Variants in ZNF415 observed in about 807,000 individuals in gnomAD.
ZNF415 encodes zinc finger protein 415.
A neutral mutation model predicts 7.3 loss-of-function variants in ZNF415; 5 were observed. That is an observed-to-expected ratio of 0.69 (90% CI 0.36 to 1.44). ZNF415 has a LOEUF of 1.44. Among genes scored for constraint, ZNF415 ranks in the 40% most tolerant of loss-of-function variants. The pLI is 0.04. For missense variants in ZNF415, 628 were observed against 664.8 expected (o/e 0.94, Z 0.61); for synonymous variants, 207 against 226.3 (o/e 0.91, Z 0.77).
At chr19:53,119,998 A>ATTTTAC in intron 2 of ZNF415, among the ~76,000 whole-genome samples, 3 of 21,144 alleles carry the variant, frequency 1.4e-4, no homozygotes, top group African/African-American at 2.7e-4. Flanking sequence ...TCCTCAAACT[A>ATTTTAC]AAATTGAAAC....
intron 3 of ZNF415, among the ~76,000 whole-genome samples, chr19:53,111,386 A>G (rs915403882): frequency 1.7e-5 from 2 of 120,172 alleles, no homozygotes; most frequent in Non-Finnish European, 3.3e-5. Flanking sequence ...CTTGTCACCC[A>G]GGCTGGAGTA....
intron 2 of ZNF415, among the ~76,000 whole-genome samples, chr19:53,120,279 T>G (rs2087781358): frequency 6.6e-6 from 1 of 152,224 alleles, no homozygotes; most frequent in Non-Finnish European, 1.5e-5. Flanking sequence ...CCCTTAAATA[T>G]GAACCAATAT....
intron 1 of ZNF415, 125 bp from the exon 2 acceptor site, chr19:53,122,868 A>C: frequency 3.0e-6 from 2 of 665,086 alleles, no homozygotes; most frequent in Non-Finnish European, 5.1e-6. Flanking sequence ...CGCCCACTAC[A>C]CCAGGGTGGC....
intron 3 of ZNF415, among the ~76,000 whole-genome samples, chr19:53,111,941 T>C (rs901698497): frequency 1.3e-5 from 2 of 152,100 alleles, no homozygotes; most frequent in African/African-American, 2.4e-5. Flanking sequence ...GCTCAGACTT[T>C]TTTTTATTTT....
rs2088344925 is a variant in ZNF415, at chr19:53,122,803, A to C, written c.-67-60T>G. On this transcript the variant is annotated intron_variant, in intron 1 of 3. Coordinates refer to ENST00000243643, the MANE Select transcript of ZNF415 (RefSeq NM_018355.4). ...GAAACAACACACCCCCTCTTGTGTGACAAGCACACACATACACAGGGAGGA... is the reference window on the plus strand; with the variant it reads ...GAAACAACACACCCCCTCTTGTGTGCCAAGCACACACATACACAGGGAGGA... The C allele has an allele frequency of 1.1e-5, 14 of 1,275,622 alleles. No homozygotes were observed. In the South Asian group the frequency reaches 1.8e-4, roughly 16 times the overall value. 79.0% of individuals were successfully genotyped at this position (1,275,622 alleles called of 1,614,324 possible).
At position 53,108,494 on chromosome 19, in the gene ZNF415, G is replaced by A. The variant is rs2085707401; in HGVS notation, c.1551C>T (p.Ile517=). The change falls in exon 4 of 4, where the codon ATC becomes ATT. Residue 517 remains isoleucine (I), a synonymous_variant. Coordinates refer to ENST00000243643, the MANE Select transcript of ZNF415 (RefSeq NM_018355.4). ...VRPNLTRHQI[I]HTGKKPYKCS... is the part of the protein sequence containing the mutation. Reference sequence around the variant, plus strand: ...ATTTGTAAGGTTTCTTTCCAGTATGGATTATCTGATGTCTAGTGAGGTTTG... The same window carrying A: ...ATTTGTAAGGTTTCTTTCCAGTATGAATTATCTGATGTCTAGTGAGGTTTG... The A allele has an allele frequency of 6.2e-7, 1 of 1,613,928 alleles. No individual in the cohort carries two copies. The highest frequency in any genetic ancestry group is 1.1e-5 in the South Asian group (1 of 91,076).
chr19:53,113,035 G>A (rs1346219175), intron 3 of ZNF415, among the ~76,000 whole-genome samples: 1 of 150,872 alleles, frequency 6.6e-6, no homozygotes, highest in Non-Finnish European at 1.5e-5. Context: ...GCGGTGAGCT[G>A]AGATTGTGCC....
At chr19:53,110,223 G>A (rs1469180799) in intron 3 of ZNF415, among the ~76,000 whole-genome samples, 4 of 152,058 alleles carry the variant, frequency 2.6e-5, no homozygotes, top group African/African-American at 9.7e-5. Flanking sequence ...ACACCAATTG[G>A]CAGAAAATAC....
intron 1 of ZNF415, among the ~76,000 whole-genome samples, chr19:53,128,296 T>C (rs2089535851): frequency 6.6e-6 from 1 of 150,666 alleles, no homozygotes. Flanking sequence ...TGCCCCCAAT[T>C]TGGGGACACC....
At chr19:53,115,860 T>C (rs773407661) in intron 3 of ZNF415, 72 of 1,424,954 alleles carry the variant, frequency 5.1e-5, no homozygotes, top group Non-Finnish European at 6.7e-5. Context: ...GAACATGATG[T>C]GCTGTGGCTT....
chr19:53,111,498 A>G (rs2086241801), intron 3 of ZNF415, among the ~76,000 whole-genome samples: 1 of 151,938 alleles, frequency 6.6e-6, no homozygotes, highest in Non-Finnish European at 1.5e-5. Flanking sequence ...GCCTACCACC[A>G]TGCCTGGCTA....
At chr19:53,119,259 G>A (rs2087576847) in intron 2 of ZNF415, among the ~76,000 whole-genome samples, 1 of 151,826 alleles carries the variant, frequency 6.6e-6, no homozygotes, top group Non-Finnish European at 1.5e-5. Flanking sequence ...TCCAGCCTGG[G>A]CGACAGAGGG....
intron 2 of ZNF415, among the ~76,000 whole-genome samples, chr19:53,120,319 A>C (rs59589455): frequency 6.6e-6 from 1 of 152,208 alleles, no homozygotes; most frequent in African/African-American, 2.4e-5. Context: ...GGAGCAAGCT[A>C]TCCTTGTTCC....
chr19:53,122,529 G>A, intron 2 of ZNF415, 133 bp downstream of exon 2: 1 of 1,597,872 alleles, frequency 6.3e-7, no homozygotes, highest in South Asian at 1.1e-5. Context: ...ACTGAGGGAA[G>A]GCACGGGTCA....
intron 3 of ZNF415, among the ~76,000 whole-genome samples, chr19:53,112,204 A>G (rs568337530): frequency 6.6e-6 from 1 of 152,266 alleles, no homozygotes; most frequent in Non-Finnish European, 1.5e-5. Context: ...TCAGCCTCCA[A>G]AAGTACTCGG....
At chr19:53,112,464 GTCAGTCAGC>G (rs1400278832) in intron 3 of ZNF415, among the ~76,000 whole-genome samples, 3 of 152,114 alleles carry the variant, frequency 2.0e-5, no homozygotes, top group Non-Finnish European at 4.4e-5. Flanking sequence ...AATGCATCTA[GTCAGTCAGC>G]TCTCATGGAT....
At chr19:53,116,206 A>G (rs2086990136) in intron 3 of ZNF415, 107 bp downstream of exon 3, 4 of 1,282,356 alleles carry the variant, frequency 3.1e-6, no homozygotes, top group African/African-American at 1.5e-5. Context: ...AGAGTCAACA[A>G]GGCCTCAAAC....
intron 3 of ZNF415, chr19:53,115,452 C>T (rs1317350706): frequency 1.2e-5 from 6 of 505,326 alleles, no homozygotes; most frequent in African/African-American, 1.9e-5. Flanking sequence ...TCACGGAAGT[C>T]AGAGGGCAAT....
intron 1 of ZNF415, among the ~76,000 whole-genome samples, chr19:53,127,233 G>A (rs146499661): frequency 0.041 from 6,195 of 151,732 alleles, 225 homozygotes; most frequent in Admixed American, 0.082. Context: ...TAGGATCCCC[G>A]TTGCCCTCTG....
Sources: gnomAD v4.1 joint callset for allele counts (sites outside exome capture counted in the v4.1 genomes callset) on GRCh38, gnomAD v4.1.1 for gene constraint, MANE v1.5 for transcripts, NCBI Gene and HGNC (gene_info 2026-07-23, HGNC 2026-07-21) for gene names.